KTN1: variants seen among roughly 807,000 people sequenced by gnomAD.
The protein encoded by KTN1 is kinectin.
A neutral mutation model predicts 222.5 loss-of-function variants in KTN1; 130 were observed. That is an observed-to-expected ratio of 0.58 (90% CI 0.51 to 0.68). KTN1 has a LOEUF of 0.68. KTN1 is among the 30% of genes least tolerant of loss of function. The pLI is 0.00. For missense variants in KTN1, 1,508 were observed against 1,500.4 expected (o/e 1.01, Z -0.08); for synonymous variants, 512 against 496.3 (o/e 1.03, Z -0.42).
chr14:55,637,129 A>T, intron 10 of KTN1, 69 bp from the exon 11 acceptor site: 1 of 1,161,586 alleles, frequency 8.6e-7, no homozygotes, highest in Non-Finnish European at 1.2e-6. Context: ...GAGAATGCCT[A>T]CACGAAAGAT....
chr14:55,636,815 C>T (rs1204199745), intron 10 of KTN1, among the ~76,000 whole-genome samples: 1 of 151,142 alleles, frequency 6.6e-6, no homozygotes, highest in Admixed American at 6.6e-5. Flanking sequence ...TGTAGTTATT[C>T]TCTTTGGTTC....
chr14:55,615,221 A>G (rs1566715286), intron 2 of KTN1, among the ~76,000 whole-genome samples: 1 of 152,130 alleles, frequency 6.6e-6, no homozygotes, highest in Non-Finnish European at 1.5e-5. Flanking sequence ...TATTTTAACA[A>G]CTTTTAAGTG....
intron 1 of KTN1, among the ~76,000 whole-genome samples, chr14:55,580,590 G>A (rs146028654): frequency 6.6e-6 from 1 of 151,512 alleles, no homozygotes; most frequent in African/African-American, 2.4e-5. Context: ...CCTCGGCCTC[G>A]CGGGGCCGCT....
intron 23 of KTN1, 40 bp from the exon 24 acceptor site, chr14:55,650,529 G>T: frequency 6.4e-7 from 1 of 1,551,668 alleles, no homozygotes; most frequent in Non-Finnish European, 8.9e-7. Context: ...CAATTTCTGT[G>T]TTTCCATTGT....
chr14:55,649,243 G>A (rs1052640139), intron 21 of KTN1, among the ~76,000 whole-genome samples: 4 of 152,160 alleles, frequency 2.6e-5, no homozygotes, highest in African/African-American at 9.7e-5. Flanking sequence ...CTTTTAAACA[G>A]TGGGCAAACT....
intron 4 of KTN1, among the ~76,000 whole-genome samples, 192 bp from the exon 5 acceptor site, chr14:55,618,990 C>T (rs753698454): frequency 2.6e-5 from 4 of 151,936 alleles, no homozygotes; most frequent in Non-Finnish European, 4.4e-5. Flanking sequence ...GTAATTATTC[C>T]GTATTATAGA....
chr14:55,672,003 G>A (rs1014994655), intron 37 of KTN1, 126 bp downstream of exon 37: 2 of 633,640 alleles, frequency 3.2e-6, no homozygotes, highest in African/African-American at 3.7e-5. Context: ...ATGTATGTGG[G>A]GTGGCAGCAG....
chr14:55,593,352 C>G (rs1226172258), intron 1 of KTN1, among the ~76,000 whole-genome samples: 1 of 149,754 alleles, frequency 6.7e-6, no homozygotes, highest in Non-Finnish European at 1.5e-5. Context: ...TGGACAGACT[C>G]ATTATTTTGA....
At position 55,609,412 on chromosome 14, in the gene KTN1, G is replaced by A. The variant is rs531664261; in HGVS notation, c.-30-2607G>A. On this transcript the variant is annotated intron_variant, in intron 1 of 43. Coordinates refer to ENST00000395314, the MANE Select transcript of KTN1 (RefSeq NM_001079521.2). ...AGTTAGGTTCCTCTAAATGCATAGTGAGACTCAGGTGAGCTCAAGTGAAGG... is the reference window on the plus strand; with the variant it reads ...AGTTAGGTTCCTCTAAATGCATAGTAAGACTCAGGTGAGCTCAAGTGAAGG... Among the ~76,000 whole-genome samples the A allele has an allele frequency of 4.0e-4, 61 of 152,254 alleles. No individual in the cohort carries two copies. The South Asian group carries it at 9.5e-3, about 24-fold the overall frequency.
rs1346658637 is a variant in KTN1, at chr14:55,640,270, T to C, written c.1915-104T>C. ...GTTTCTCTTGATTATTTGGGAAATT[T>C]TGTAAGTTGAGACATTTGCTTAACT... On this transcript the variant is annotated intron_variant, in intron 14 of 43. Transcript: ENST00000395314. The C allele has an allele frequency of 7.5e-6, 6 of 801,038 alleles. No individual in the cohort carries two copies. In the East Asian group the frequency reaches 1.3e-4, roughly 18 times the overall value. The allele number at this position is 801,038 out of a possible 1,614,324, so 49.6% of individuals were successfully genotyped here.
At position 55,612,147 on chromosome 14, in the gene KTN1, A is replaced by G. The variant is rs2037670296; in HGVS notation, c.99A>G (p.Leu33=). ...LFFWLFMKET[L]YDEVLAKQKR... The stretch of plus-strand genomic sequence containing the variant: ...TCTGGCTTTTCATGAAAGAAACATT[A>G]TATGATGAAGTTCTTGCAAAACAGA... Residue 33 remains leucine, a synonymous_variant, in exon 2 of 44, where the codon TTA becomes TTG. Transcript: ENST00000395314. 4 of 1,578,964 alleles carry G rather than the reference A, an allele frequency of 2.5e-6. No homozygotes were observed. Among genetic ancestry groups the G allele is most frequent in the Non-Finnish European group, 3.4e-6 (4 of 1,169,364 alleles).
intron 28 of KTN1, among the ~76,000 whole-genome samples, chr14:55,655,557 G>A (rs560600988): frequency 2.0e-5 from 3 of 152,038 alleles, no homozygotes; most frequent in Non-Finnish European, 4.4e-5. Flanking sequence ...TTATGCTAGC[G>A]GTCTATTGCT....
intron 4 of KTN1, 67 bp from the exon 5 acceptor site, chr14:55,619,115 T>A (rs2140748163): frequency 1.5e-6 from 2 of 1,303,046 alleles, no homozygotes; most frequent in South Asian, 2.5e-5. Context: ...ATGCTTACCT[T>A]TGCTGAAGTT....
chr14:55,631,907 G>A (rs2040579244), intron 7 of KTN1, among the ~76,000 whole-genome samples: 1 of 152,020 alleles, frequency 6.6e-6, no homozygotes, highest in African/African-American at 2.4e-5. Context: ...TTTTCATTCC[G>A]TCTTGTATTT....
At position 55,650,402 on chromosome 14, in the gene KTN1, A is replaced by G. The variant is rs1163373491; in HGVS notation, c.2480A>G (p.Lys827Arg). 2 of 1,610,048 alleles carry G rather than the reference A, an allele frequency of 1.2e-6. No individual in the cohort carries two copies. Among genetic ancestry groups the G allele is most frequent in the Admixed American group, 3.4e-5 (2 of 59,386 alleles). Residue 827 changes from lysine to arginine, a missense_variant, in exon 23 of 44, where the codon AAG (lysine) becomes AGG (arginine). Lys to Arg is a conservative substitution (Grantham distance 26, BLOSUM62 2). Coordinates refer to ENST00000395314, the MANE Select transcript of KTN1 (RefSeq NM_001079521.2). ...GCAGAACTTCTCAAAGTTGCTAACA[A>G]GGAGAAAACTGTTCAGGTATTGGGA... ...LEAELLKVANKEKTVQDLKQE... is the reference protein window; with the variant it reads ...LEAELLKVANREKTVQDLKQE...
intron 33 of KTN1, among the ~76,000 whole-genome samples, chr14:55,665,588 T>G (rs1374699470): frequency 1.3e-5 from 2 of 152,024 alleles, no homozygotes; most frequent in Middle Eastern, 3.2e-3. Context: ...TTTTAGTATT[T>G]TAACTAGAAA....
intron 1 of KTN1, among the ~76,000 whole-genome samples, chr14:55,581,020 C>T (rs1333903093): frequency 2.0e-5 from 3 of 152,258 alleles, no homozygotes; most frequent in Non-Finnish European, 2.9e-5. Flanking sequence ...ACTCTCGACA[C>T]CGGCGAAGTT....
intron 7 of KTN1, among the ~76,000 whole-genome samples, chr14:55,631,189 T>C (rs528854798): frequency 1.3e-5 from 2 of 151,992 alleles, no homozygotes; most frequent in South Asian, 4.2e-4. Context: ...TCTGCTTGCT[T>C]GGTGGTCATG....
chr14:55,678,804 G>A (rs2046115743), intron 42 of KTN1: 1 of 223,340 alleles, frequency 4.5e-6, no homozygotes, highest in Non-Finnish European at 9.0e-6. Flanking sequence ...TCATAGGAGT[G>A]CAAACCCTAT....
Sources: allele counts gnomAD v4.1 joint callset (sites outside exome capture counted in the v4.1 genomes callset), GRCh38; gene constraint gnomAD v4.1.1; transcripts MANE v1.5; gene names NCBI Gene and HGNC (gene_info 2026-07-23, HGNC 2026-07-21).